The following CDH4 variants were observed in gnomAD, a reference collection of about 807,000 sequenced individuals.
CDH4 encodes cadherin 4.
In CDH4, 33 loss-of-function variants were observed where a neutral mutation model predicts 86.0. The observed-to-expected ratio is 0.38, with a 90% confidence interval of 0.29 to 0.51. The LOEUF is 0.51. Ranked by LOEUF, CDH4 falls within the 20% of genes least tolerant of loss-of-function variation. The probability of loss-of-function intolerance (pLI) is 0.86; values close to 1 mark genes in which losing one functional copy is unlikely to be tolerated. For synonymous variants in CDH4, 555 were observed against 549.4 expected (o/e 1.01, Z -0.14); for missense variants, 1,114 against 1,307.4 (o/e 0.85, Z 2.28).
intron 2 of CDH4, among the ~76,000 whole-genome samples, chr20:61,637,497 CCT>C (rs2086959650): frequency 6.6e-6 from 1 of 152,210 alleles, no homozygotes; most frequent in African/African-American, 2.4e-5. Context: ...CTTTCTCACC[CCT>C]GTGTCTCAGC....
intron 2 of CDH4, among the ~76,000 whole-genome samples, chr20:61,733,565 C>T (rs2088222118): frequency 6.6e-6 from 1 of 152,068 alleles, no homozygotes; most frequent in African/African-American, 2.4e-5. Flanking sequence ...GTCTTCCCAC[C>T]ACACTACATG....
chr20:61,701,139 G>A (rs771716903), intron 2 of CDH4, among the ~76,000 whole-genome samples: 33 of 152,120 alleles, frequency 2.2e-4, no homozygotes, highest in Admixed American at 1.2e-3. Context: ...TCTTCTTCCC[G>A]CATCTCTTCA....
intron 2 of CDH4, among the ~76,000 whole-genome samples, chr20:61,318,517 T>A (rs1297839739): frequency 6.6e-6 from 1 of 152,144 alleles, no homozygotes; most frequent in African/African-American, 2.4e-5. Flanking sequence ...ATCCATTTGG[T>A]TTTATTATTA....
At chr20:61,927,405 C>T (rs555604625) in intron 11 of CDH4, among the ~76,000 whole-genome samples, 8 of 152,218 alleles carry the variant, frequency 5.3e-5, no homozygotes, top group African/African-American at 1.7e-4. Context: ...AGAGCACCTC[C>T]GTTCATGCTG....
At chr20:61,423,158 C>G (rs575451807) in intron 2 of CDH4, among the ~76,000 whole-genome samples, 1 of 152,132 alleles carries the variant, frequency 6.6e-6, no homozygotes, top group Non-Finnish European at 1.5e-5. Flanking sequence ...ATGGGGGAAG[C>G]AAGGACCCCC....
intron 7 of CDH4, among the ~76,000 whole-genome samples, chr20:61,893,498 G>C (rs1464434322): frequency 7.3e-5 from 11 of 150,994 alleles, no homozygotes; most frequent in African/African-American, 2.7e-4. Context: ...TGGATGGGTA[G>C]GTGGGTGGAT....
intron 2 of CDH4, among the ~76,000 whole-genome samples, chr20:61,429,850 G>A (rs1417997014): frequency 1.3e-5 from 2 of 152,174 alleles, no homozygotes; most frequent in Non-Finnish European, 2.9e-5. Flanking sequence ...TAGATGGGTG[G>A]ATGGGTGGGT....
intron 9 of CDH4, among the ~76,000 whole-genome samples, chr20:61,917,408 G>A (rs2054915277): frequency 6.6e-6 from 1 of 152,254 alleles, no homozygotes; most frequent in Admixed American, 6.5e-5. Flanking sequence ...ATGGCCCTCA[G>A]TTTTAAAGCT....
chr20:61,335,277 G>A (rs1181023846), intron 2 of CDH4, among the ~76,000 whole-genome samples: 3 of 152,238 alleles, frequency 2.0e-5, no homozygotes, highest in Admixed American at 6.5e-5. Context: ...TTGGTCCAAC[G>A]GAGATCGAAG....
Position 61,932,946 on chromosome 20 carries a change from C to T in CDH4, c.2240-39C>T, listed in dbSNP as rs749058063. On this transcript the variant is annotated intron_variant, in intron 13 of 15. Coordinates refer to ENST00000614565, the MANE Select transcript of CDH4 (RefSeq NM_001794.5). ...AACACAGAGGCACACATGCGCACAC[C>T]CGCAGCACACCCTGCTCACGGGCAG... 6.3e-6 allele frequency: 10 copies of T among 1,597,408 alleles called. No individual in the cohort carries two copies. The South Asian group carries it at 8.9e-5, about 14-fold the overall frequency.
intron 2 of CDH4, among the ~76,000 whole-genome samples, chr20:61,650,183 A>C (rs1208680324): frequency 3.9e-5 from 6 of 152,178 alleles, no homozygotes; most frequent in Admixed American, 3.9e-4. Flanking sequence ...TTTGCTCCAA[A>C]TCCATCAGCG....
chr20:61,788,455 C>T (rs1979000512), intron 4 of CDH4, among the ~76,000 whole-genome samples: 1 of 152,174 alleles, frequency 6.6e-6, no homozygotes, highest in African/African-American at 2.4e-5. Context: ...GAAACGGAAA[C>T]TCATCTTCCA....
intron 4 of CDH4, among the ~76,000 whole-genome samples, chr20:61,822,689 T>G (rs904603581): frequency 5.3e-5 from 8 of 152,162 alleles, no homozygotes; most frequent in African/African-American, 1.9e-4. Flanking sequence ...TAAGTACTTC[T>G]GGGCTTCACT....
chr20:61,632,083 G>T (rs1022684593), intron 2 of CDH4, among the ~76,000 whole-genome samples: 3 of 152,236 alleles, frequency 2.0e-5, no homozygotes, highest in Non-Finnish European at 2.9e-5. Flanking sequence ...TGGCACACAC[G>T]TGTAGCCTCC....
intron 2 of CDH4, among the ~76,000 whole-genome samples, chr20:61,317,792 G>GT (rs1449345768): frequency 2.0e-5 from 3 of 152,180 alleles, no homozygotes; most frequent in Non-Finnish European, 2.9e-5. Context: ...TCTGGGAAGC[G>GT]TTTTTTCCGT....
intron 6 of CDH4, among the ~76,000 whole-genome samples, chr20:61,858,143 GTGTGTC>G (rs1278882266): frequency 2.7e-5 from 4 of 149,276 alleles, no homozygotes; most frequent in African/African-American, 7.4e-5. Flanking sequence ...GCATCTGTGT[GTGTGTC>G]TGTGTCTGTG....
At chr20:61,587,248 G>A (rs951601045) in intron 2 of CDH4, among the ~76,000 whole-genome samples, 3 of 152,122 alleles carry the variant, frequency 2.0e-5, no homozygotes, top group African/African-American at 7.2e-5. Context: ...GCGCTTGAAG[G>A]GGGGCCACTG....
Position 61,936,824 on chromosome 20 carries a change from G to A in CDH4, c.2632G>A (p.Gly878Ser). The A allele has an allele frequency of 6.2e-7, 1 of 1,610,884 alleles. No individual in the cohort carries two copies. The highest frequency in any genetic ancestry group is 8.5e-7 in the Non-Finnish European group (1 of 1,179,238). The change falls in exon 16 of 16, where the codon GGC (glycine) becomes AGC (serine). Residue 878 changes from glycine (G) to serine (S), a missense_variant. Coordinates refer to ENST00000614565, the MANE Select transcript of CDH4 (RefSeq NM_001794.5). ...CTACGAGGGGAGCGGCTCCACCGCA[G>A]GCTCCGTCAGCTCCCTGAACTCATC... ...FDYEGSGSTAGSVSSLNSSSS... is the reference protein window; with the variant it reads ...FDYEGSGSTASSVSSLNSSSS...
At chr20:61,706,763 C>G (rs1055797339) in intron 2 of CDH4, among the ~76,000 whole-genome samples, 8 of 152,224 alleles carry the variant, frequency 5.3e-5, no homozygotes, top group African/African-American at 1.7e-4. Flanking sequence ...TTGGGAATCT[C>G]ACCGGAACTG....
Sources: allele counts gnomAD v4.1 joint callset (sites outside exome capture counted in the v4.1 genomes callset), GRCh38; gene constraint gnomAD v4.1.1; transcripts MANE v1.5; gene names NCBI Gene and HGNC (gene_info 2026-07-23, HGNC 2026-07-21).